HNRNPA1L2: variants seen among roughly 807,000 people sequenced by gnomAD.
HNRNPA1L2 encodes the protein heterogeneous nuclear ribonucleoprotein A1-like 2.
A neutral mutation model predicts 18.2 loss-of-function variants in HNRNPA1L2; 10 were observed. The observed-to-expected ratio is 0.55, with a 90% CI of 0.34 to 0.93. The LOEUF (loss-of-function observed/expected upper bound fraction) is 0.93, where lower values mean the gene tolerates loss of function less well. Among genes scored for constraint, HNRNPA1L2 ranks in the 40% least tolerant of loss-of-function variants. The pLI, the probability that HNRNPA1L2 is intolerant of heterozygous loss-of-function variation, is 0.02. For missense variants in HNRNPA1L2, 308 were observed against 394.4 expected, an observed-to-expected ratio of 0.78 and a Z score of 1.85; for synonymous variants, 124 against 138.6, an observed-to-expected ratio of 0.89 and a Z score of 0.74.
the HNRNPA1L2 span, among the ~76,000 whole-genome samples, chr13:52,619,557 T>G: frequency 2.6e-5 from 4 of 151,456 alleles, no homozygotes; most frequent in Non-Finnish European, 5.9e-5. Flanking sequence ...AGGTAATCCA[T>G]CCGCCTCGGC....
the HNRNPA1L2 span, among the ~76,000 whole-genome samples, chr13:52,635,787 C>G: frequency 6.6e-6 from 1 of 151,164 alleles, no homozygotes; most frequent in Middle Eastern, 3.2e-3. Flanking sequence ...ACTAGTAATG[C>G]ATTTTTATTA....
the HNRNPA1L2 span, among the ~76,000 whole-genome samples, chr13:52,628,585 G>T: frequency 2.6e-5 from 4 of 152,142 alleles, no homozygotes; most frequent in African/African-American, 9.7e-5. Context: ...ATTGAATATA[G>T]GTGATAGGCA....
the HNRNPA1L2 span, among the ~76,000 whole-genome samples, chr13:52,630,522 C>T: frequency 7.9e-3 from 1,197 of 152,298 alleles, 10 homozygotes; most frequent in African/African-American, 0.023. Context: ...CTGCCCACCT[C>T]GGCCTCCCAA....
At chr13:52,629,998 G>A in the HNRNPA1L2 span, among the ~76,000 whole-genome samples, 1 of 152,196 alleles carries the variant, frequency 6.6e-6, no homozygotes, top group South Asian at 2.1e-4. Flanking sequence ...TGAGGCAGGA[G>A]AATTGCTTGA....
At chr13:52,635,037 GACA>G in the HNRNPA1L2 span, among the ~76,000 whole-genome samples, 13 of 152,212 alleles carry the variant, frequency 8.5e-5, no homozygotes, top group African/African-American at 3.1e-4. Context: ...AGATAACTGA[GACA>G]ATTAAGTTAT....
At chr13:52,638,335 C>CT (rs1594214169), upstream of HNRNPA1L2, among the ~76,000 whole-genome samples, 1 of 152,168 alleles carries the variant, frequency 6.6e-6, no homozygotes, top group Non-Finnish European at 1.5e-5. Flanking sequence ...AAGAAATTTG[C>CT]TGAGAATTCC....
chr13:52,624,611 A>G, the HNRNPA1L2 span, among the ~76,000 whole-genome samples: 1,667 of 152,374 alleles, frequency 0.011, 12 homozygotes, highest in Middle Eastern at 0.017. Flanking sequence ...GCATCCACAG[A>G]TAACTTCTGA....
the HNRNPA1L2 span, chr13:52,622,121 A>G: frequency 0.011 from 1,769 of 161,890 alleles, 42 homozygotes; most frequent in African/African-American, 0.04. Flanking sequence ...AAACAGAGAA[A>G]AAGACTTGTT....
chr13:52,627,523 C>T, the HNRNPA1L2 span: 3 of 162,112 alleles, frequency 1.9e-5, no homozygotes, highest in African/African-American at 7.2e-5. Flanking sequence ...GCTCAGGCAG[C>T]TCCGTAGCAT....
At chr13:52,638,913 T>G (rs1961549477), upstream of HNRNPA1L2, among the ~76,000 whole-genome samples, 2 of 152,214 alleles carry the variant, frequency 1.3e-5, no homozygotes, top group Non-Finnish European at 2.9e-5. Context: ...GAGCTTCTTT[T>G]AAAAATCCTG....
chr13:52,641,301 T>G (rs1364660084), upstream of HNRNPA1L2: 1 of 152,226 alleles, frequency 6.6e-6, no homozygotes, highest in Non-Finnish European at 1.5e-5. Context: ...GCATTTGACT[T>G]ATTACCCTGA....
chr13:52,628,440 C>G, the HNRNPA1L2 span, among the ~76,000 whole-genome samples: 494 of 151,996 alleles, frequency 3.3e-3, 1 homozygote, highest in Non-Finnish European at 5.7e-3. Flanking sequence ...GAGACCCTGT[C>G]TCTGAAAGAA....
chr13:52,637,548 G>C (rs771235820), upstream of HNRNPA1L2: 3 of 158,686 alleles, frequency 1.9e-5, no homozygotes, highest in Non-Finnish European at 2.8e-5. Flanking sequence ...TCAAAACACT[G>C]TGTAGATATC....
chr13:52,629,648 T>C, the HNRNPA1L2 span, among the ~76,000 whole-genome samples: 1 of 152,188 alleles, frequency 6.6e-6, no homozygotes, highest in African/African-American at 2.4e-5. Context: ...GCTGACTGAA[T>C]TCTGAACAAG....
chr13:52,622,906 A>T, the HNRNPA1L2 span, among the ~76,000 whole-genome samples: 1 of 152,060 alleles, frequency 6.6e-6, no homozygotes, highest in Non-Finnish European at 1.5e-5. Context: ...GATGTCATTA[A>T]TTCAAGTAGT....
chr13:52,624,798 G>A, the HNRNPA1L2 span, among the ~76,000 whole-genome samples: 1 of 152,200 alleles, frequency 6.6e-6, no homozygotes, highest in Non-Finnish European at 1.5e-5. Context: ...GGGAGGCCAA[G>A]GTGGGCAGAT....
chr13:52,624,395 C>T, the HNRNPA1L2 span, among the ~76,000 whole-genome samples: 2 of 152,240 alleles, frequency 1.3e-5, no homozygotes, highest in East Asian at 3.9e-4. Flanking sequence ...TACAGGCACG[C>T]CACCGTGCCT....
Position 52,642,929 on chromosome 13 carries a change from G to T in HNRNPA1L2, c.437G>T (p.Arg146Met), listed in dbSNP as rs1472605045. The part of the protein sequence containing the change: ...IMTDRGSGKK[R>M]GFAFVTFDDH... ...ACTGACCGAGGCAGTGGCAAGAAAAGGGGCTTTGCCTTTGTAACCTTTGAC... is the reference window on the plus strand; with the variant it reads ...ACTGACCGAGGCAGTGGCAAGAAAATGGGCTTTGCCTTTGTAACCTTTGAC... The change falls in exon 1 of 1, where the codon AGG (arginine) becomes ATG (methionine). Residue 146 changes from arginine (R) to methionine (M), a missense_variant. Transcript: ENST00000357495. 6.3e-7 allele frequency: 1 copy of T among 1,597,034 alleles called. No homozygotes were observed. Among genetic ancestry groups the T allele is most frequent in the South Asian group, 1.1e-5 (1 of 90,986 alleles).
chr13:52,637,892 A>G (rs1435473453), upstream of HNRNPA1L2, among the ~76,000 whole-genome samples: 3 of 152,134 alleles, frequency 2.0e-5, no homozygotes, highest in Admixed American at 1.3e-4. Context: ...GTTTGTAACA[A>G]TGTTTCATAA....
Sources: gnomAD v4.1 joint callset for allele counts (sites outside exome capture counted in the v4.1 genomes callset) on GRCh38, gnomAD v4.1.1 for gene constraint, MANE v1.5 for transcripts, NCBI Gene and HGNC (gene_info 2026-07-23, HGNC 2026-07-21) for gene names.